Variants in SASH1 observed in about 807,000 individuals in gnomAD.
SASH1 encodes SAM and SH3 domain-containing protein 1.
In SASH1, 44 loss-of-function variants were observed where a neutral mutation model predicts 125.2. The observed-to-expected ratio is 0.35, with a 90% CI of 0.28 to 0.45. The LOEUF is 0.45. SASH1 is among the 20% of genes least tolerant of loss of function. SASH1 has a pLI of 1.00. For missense variants in SASH1, 1,426 were observed against 1,614.5 expected (o/e 0.88, Z 2.00); for synonymous variants, 639 against 649.1 (o/e 0.98, Z 0.24).
intron 1 of SASH1, among the ~76,000 whole-genome samples, chr6:148,295,571 C>A (rs1417500600): frequency 1.3e-5 from 2 of 152,204 alleles, no homozygotes; most frequent in South Asian, 2.1e-4. Context: ...CTAATAACAA[C>A]CCTGCCAGCT....
At chr6:148,226,584 C>A in the SASH1 span, among the ~76,000 whole-genome samples, 2 of 152,148 alleles carry the variant, frequency 1.3e-5, no homozygotes, top group Admixed American at 1.3e-4. Context: ...GGGGCACCTC[C>A]GGGGTTGGAC....
intron 1 of SASH1, among the ~76,000 whole-genome samples, chr6:148,330,805 C>G (rs780790068): frequency 2.0e-5 from 3 of 152,102 alleles, no homozygotes; most frequent in African/African-American, 7.2e-5. Flanking sequence ...AGGCTGGTCT[C>G]GAACTCCTGA....
At chr6:148,360,027 G>A (rs781583116) in intron 1 of SASH1, among the ~76,000 whole-genome samples, 1 of 151,750 alleles carries the variant, frequency 6.6e-6, no homozygotes, top group Non-Finnish European at 1.5e-5. Context: ...AAAGTGCTGG[G>A]ATTACAGGCG....
In SASH1 at chr6:148,548,314, C is replaced by T. The variant is rs754969136; in HGVS notation, c.3500C>T (p.Thr1167Met). 7 of 1,612,390 alleles carry T rather than the reference C, an allele frequency of 4.3e-6. No homozygotes were observed. The highest frequency in any genetic ancestry group is 2.2e-5 in the East Asian group (1 of 44,878). The change falls in exon 20 of 20, where the codon ACG (threonine) becomes ATG (methionine). Residue 1167 changes from threonine to methionine, a missense_variant. By Grantham distance (81) the Thr-to-Met change is moderately conservative (BLOSUM62 -1). Coordinates refer to ENST00000367467, the MANE Select transcript of SASH1 (RefSeq NM_015278.5). ...HRMAIPSGGL[T>M]EICRKPVSPG... ...ATCCAGATTCCAAGTGGTGGACTCA[C>T]GGAAATCTGCCGAAAGCCCGTCTCT...
chr6:148,434,365 G>A (rs574953351), intron 2 of SASH1, among the ~76,000 whole-genome samples: 36 of 152,220 alleles, frequency 2.4e-4, no homozygotes, highest in African/African-American at 7.2e-4. Context: ...ATGAGCCACC[G>A]TGCGCGGCCT....
intron 10 of SASH1, among the ~76,000 whole-genome samples, chr6:148,523,661 A>G (rs896739641): frequency 2.3e-4 from 35 of 152,234 alleles, no homozygotes; most frequent in African/African-American, 4.3e-4. Flanking sequence ...CCAGACCCCA[A>G]TGGCCGTCTC....
At position 148,546,164 on chromosome 6, in the gene SASH1, C is replaced by T; in HGVS notation, c.3480+18C>T. The T allele has an allele frequency of 6.2e-7, 1 of 1,610,516 alleles. No homozygotes were observed. Among genetic ancestry groups the T allele is most frequent in the Non-Finnish European group, 8.5e-7 (1 of 1,178,574 alleles). ...GCATGGCGGTGAGCAGCCCACAGTT[C>T]TCCAGCTTCCTGAGGCACATTTAGT... On this transcript the variant is annotated intron_variant, in intron 19 of 19. Coordinates refer to ENST00000367467, the MANE Select transcript of SASH1 (RefSeq NM_015278.5).
chr6:148,332,481 T>A (rs1320780103), intron 1 of SASH1, among the ~76,000 whole-genome samples: 1 of 152,120 alleles, frequency 6.6e-6, no homozygotes, highest in Non-Finnish European at 1.5e-5. Flanking sequence ...ATAACAAGTA[T>A]TTAAATGAAT....
chr6:148,401,165 G>A (rs1322474836), intron 2 of SASH1, among the ~76,000 whole-genome samples: 2 of 151,636 alleles, frequency 1.3e-5, no homozygotes, highest in East Asian at 3.9e-4. Context: ...AAGGTGGGAG[G>A]ATGGCTTGAG....
At chr6:148,449,909 C>G (rs1562420939) in intron 4 of SASH1, among the ~76,000 whole-genome samples, 1 of 152,116 alleles carries the variant, frequency 6.6e-6, no homozygotes, top group Non-Finnish European at 1.5e-5. Flanking sequence ...GATCCATTTC[C>G]ATGGAAATTA....
intron 4 of SASH1, 32 bp from the exon 5 acceptor site, chr6:148,468,513 C>T (rs1306276427): frequency 1.3e-6 from 2 of 1,577,296 alleles, no homozygotes; most frequent in African/African-American, 2.7e-5. Context: ...AAGCAAGGCT[C>T]TCTGGTAATC....
chr6:148,493,209 A>G (rs1179093161), intron 8 of SASH1, among the ~76,000 whole-genome samples: 1 of 152,174 alleles, frequency 6.6e-6, no homozygotes, highest in African/African-American at 2.4e-5. Flanking sequence ...CAGAGCTACA[A>G]CCCACCACCA....
intron 1 of SASH1, among the ~76,000 whole-genome samples, chr6:148,361,249 C>T (rs900706057): frequency 1.3e-5 from 2 of 152,214 alleles, no homozygotes; most frequent in East Asian, 3.9e-4. Context: ...ATACAGATGG[C>T]TGCTCTATTA....
At chr6:148,484,106 A>T (rs542100666) in intron 7 of SASH1, among the ~76,000 whole-genome samples, 1 of 152,352 alleles carries the variant, frequency 6.6e-6, no homozygotes, top group South Asian at 2.1e-4. Flanking sequence ...AAATGAATTT[A>T]AAAAGCAGCT....
chr6:148,441,847 T>C (rs974995854), intron 4 of SASH1, among the ~76,000 whole-genome samples: 1 of 152,200 alleles, frequency 6.6e-6, no homozygotes, highest in African/African-American at 2.4e-5. Context: ...CTTAGTAAAA[T>C]GTGGCATGGC....
At position 148,549,765 on chromosome 6, in the gene SASH1, G is replaced by A; in HGVS notation, c.*1207G>A. 2.6e-6 allele frequency: 1 copy of A among 387,482 alleles called. No homozygotes were observed. Among genetic ancestry groups the A allele is most frequent in the Non-Finnish European group, 4.6e-6 (1 of 219,744 alleles). 24.0% of individuals were successfully genotyped at this position (387,482 alleles called of 1,614,324 possible). ...ACAAATCTCATTAGCCATGTGTTAAGTATTTGCTACTTTAAATTGTTTTAC... is the reference window on the plus strand; with the variant it reads ...ACAAATCTCATTAGCCATGTGTTAAATATTTGCTACTTTAAATTGTTTTAC... On this transcript the variant is annotated 3_prime_UTR_variant, in exon 20 of 20. Transcript: ENST00000367467.
At chr6:148,452,691 C>G (rs9377139) in intron 4 of SASH1, among the ~76,000 whole-genome samples, 68,862 of 150,076 alleles carry the variant, frequency 0.46, 15,978 homozygotes, top group East Asian at 0.59. Context: ...TGCTCACATT[C>G]TGCTGTTCCC....
intron 19 of SASH1, among the ~76,000 whole-genome samples, chr6:148,547,746 C>T (rs1782651418): frequency 6.6e-6 from 1 of 152,140 alleles, no homozygotes; most frequent in South Asian, 2.1e-4. Flanking sequence ...GGTGCAGGCC[C>T]TTTATATACC....
At chr6:148,262,013 C>T in the SASH1 span, among the ~76,000 whole-genome samples, 1 of 152,188 alleles carries the variant, frequency 6.6e-6, no homozygotes, top group South Asian at 2.1e-4. Context: ...TTGACCGTGC[C>T]TTTTTCATGT....
Sources: allele counts gnomAD v4.1 joint callset (sites outside exome capture counted in the v4.1 genomes callset), GRCh38; gene constraint gnomAD v4.1.1; transcripts MANE v1.5; gene names NCBI Gene and HGNC (gene_info 2026-07-23, HGNC 2026-07-21).